Variants in ANK3 observed in about 807,000 individuals in gnomAD.
ANK3 encodes the protein ankyrin-3.
In ANK3, 57 loss-of-function variants were observed where a neutral mutation model predicts 370.9. That is an observed-to-expected ratio of 0.15 (90% CI 0.12 to 0.19). ANK3 has a LOEUF of 0.19. ANK3 is among the 10% of genes least tolerant of loss of function. The pLI, the probability that ANK3 is intolerant of heterozygous loss-of-function variation, is 1.00. For missense variants in ANK3, 4,439 were observed against 5,302.1 expected (o/e 0.84, Z 5.06); for synonymous variants, 1,929 against 1,946.3 (o/e 0.99, Z 0.23).
chr10:60,344,719 T>C (rs1290689701), intron 1 of ANK3, among the ~76,000 whole-genome samples: 1 of 152,216 alleles, frequency 6.6e-6, no homozygotes, highest in Admixed American at 6.5e-5. Context: ...CATTAGAATA[T>C]ACAACATTGA....
chr10:60,407,653 A>T (rs766358894), intron 2 of ANK3, among the ~76,000 whole-genome samples: 1 of 152,164 alleles, frequency 6.6e-6, no homozygotes, highest in Non-Finnish European at 1.5e-5. Context: ...TATATAAACC[A>T]TCTTATGACT....
chr10:60,280,421 T>C (rs1199057732), intron 1 of ANK3, among the ~76,000 whole-genome samples: 1 of 152,166 alleles, frequency 6.6e-6, no homozygotes, highest in Non-Finnish European at 1.5e-5. Context: ...TGGATTTTCC[T>C]ACAGTACATA....
intron 2 of ANK3, among the ~76,000 whole-genome samples, chr10:60,600,040 C>G (rs2133303886): frequency 6.6e-6 from 1 of 152,264 alleles, no homozygotes; most frequent in Non-Finnish European, 1.5e-5. Context: ...TATTAGACAG[C>G]TTTAAATAAC....
At position 60,076,003 on chromosome 10, in the gene ANK3, T is replaced by C. The variant is rs1326368506; in HGVS notation, c.4878A>G (p.Pro1626=). 6.2e-7 allele frequency: 1 copy of C among 1,614,188 alleles called. No individual in the cohort carries two copies. The highest frequency in any genetic ancestry group is 8.5e-7 in the Non-Finnish European group (1 of 1,180,014). Residue 1626 remains proline (P), a synonymous_variant, in exon 37 of 44, where the codon CCA becomes CCG. Coordinates refer to ENST00000280772, the MANE Select transcript of ANK3 (RefSeq NM_020987.5). ...SNSTFSSRTS[P]VTTAGSLLER... ...CCAAAAGAGACCCTGCTGTAGTCACTGGAGAGGTTCGAGAGGAAAACGTAG... is the reference window on the plus strand; with the variant it reads ...CCAAAAGAGACCCTGCTGTAGTCACCGGAGAGGTTCGAGAGGAAAACGTAG...
intron 16 of ANK3, among the ~76,000 whole-genome samples, chr10:60,191,690 T>C (rs1365728426): frequency 1.3e-5 from 2 of 152,150 alleles, no homozygotes; most frequent in African/African-American, 4.8e-5. Context: ...GAACTAAAAA[T>C]AGAACTACCT....
intron 17 of ANK3, among the ~76,000 whole-genome samples, chr10:60,183,135 T>G (rs954191645): frequency 2.0e-5 from 3 of 152,218 alleles, no homozygotes; most frequent in African/African-American, 7.2e-5. Context: ...TGGAGTCACT[T>G]CAGGCTTCCC....
At chr10:60,158,149 C>A (rs1481555019) in intron 23 of ANK3, among the ~76,000 whole-genome samples, 4 of 152,022 alleles carry the variant, frequency 2.6e-5, no homozygotes, top group Non-Finnish European at 5.9e-5. Flanking sequence ...AGAAAAGAAG[C>A]AAAGATACTT....
At chr10:60,685,157 G>T in intron 1 of ANK3, 2 of 607,172 alleles carry the variant, frequency 3.3e-6, no homozygotes, top group East Asian at 4.7e-5. Flanking sequence ...TCTACAGCCT[G>T]GTTTGCCTGT....
chr10:60,149,739 C>T (rs1015491828), intron 23 of ANK3, among the ~76,000 whole-genome samples: 7 of 152,256 alleles, frequency 4.6e-5, no homozygotes, highest in East Asian at 1.9e-4. Context: ...GACGAAGTCT[C>T]GCTCTGTCGC....
intron 5 of ANK3, among the ~76,000 whole-genome samples, chr10:60,268,678 T>G (rs2097916736): frequency 6.6e-6 from 1 of 151,924 alleles, no homozygotes; most frequent in East Asian, 1.9e-4. Flanking sequence ...TTTTTAGAAG[T>G]GCAGCTGCTA....
rs72807960 is a variant in ANK3 at position 60,521,137 on chromosome 10, T to A, written c.96+94049A>T. On this transcript the variant is annotated intron_variant, in intron 2 of 43. Coordinates refer to the ANK3 transcript ENST00000373827. Reference sequence around the variant, plus strand: ...TAGGTTATTAATTATGGACCTTATTTTATTTACTGTGTATCAGCTTTAAAG... The same window carrying A: ...TAGGTTATTAATTATGGACCTTATTATATTTACTGTGTATCAGCTTTAAAG... 5.2e-3 allele frequency among the ~76,000 whole-genome samples: 794 copies of A among 152,184 alleles called. 4 individuals carry two copies. Among genetic ancestry groups the A allele is most frequent in the Non-Finnish European group, 6.8e-3 (459 of 67,974 alleles).
At chr10:60,282,896 A>G (rs558480861) in intron 1 of ANK3, among the ~76,000 whole-genome samples, 6 of 152,340 alleles carry the variant, frequency 3.9e-5, no homozygotes, top group South Asian at 4.1e-4. Flanking sequence ...AAGAAAACTT[A>G]CATCTTAGGA....
At chr10:60,593,262 C>A (rs976316877) in intron 2 of ANK3, among the ~76,000 whole-genome samples, 1 of 152,186 alleles carries the variant, frequency 6.6e-6, no homozygotes, top group South Asian at 2.1e-4. Context: ...GAACTGATGA[C>A]CATTTTCCCC....
intron 1 of ANK3, among the ~76,000 whole-genome samples, chr10:60,717,390 G>T (rs1436730726): frequency 6.6e-6 from 1 of 152,206 alleles, no homozygotes; most frequent in Non-Finnish European, 1.5e-5. Flanking sequence ...CAATGGCAGA[G>T]TCTAGTGTAG....
intron 1 of ANK3, among the ~76,000 whole-genome samples, chr10:60,660,934 A>ACACACACACACACACACACCCC (rs373156861): frequency 1.3e-5 from 2 of 151,736 alleles, no homozygotes; most frequent in African/African-American, 4.8e-5. Context: ...ACACACACAC[A>ACACACACACACACACACACCCC]CCCCACATCT....
chr10:60,412,092 T>C (rs974156291), intron 2 of ANK3, among the ~76,000 whole-genome samples: 2 of 152,112 alleles, frequency 1.3e-5, no homozygotes, highest in African/African-American at 4.8e-5. Context: ...TGGCTGCTGG[T>C]TAGGAAGCAA....
At chr10:60,677,518 T>G (rs2079140816) in intron 1 of ANK3, among the ~76,000 whole-genome samples, 1 of 152,036 alleles carries the variant, frequency 6.6e-6, no homozygotes, top group African/African-American at 2.4e-5. Flanking sequence ...TTTAAGTATG[T>G]CATTTAGTTT....
At chr10:60,679,720 C>T (rs540412897) in intron 1 of ANK3, among the ~76,000 whole-genome samples, 6 of 152,322 alleles carry the variant, frequency 3.9e-5, no homozygotes, top group Admixed American at 2.0e-4. Flanking sequence ...AAAAACTCCA[C>T]GTCAAGGGTT....
At chr10:60,285,735 T>C (rs1158757354) in intron 1 of ANK3, among the ~76,000 whole-genome samples, 1 of 152,172 alleles carries the variant, frequency 6.6e-6, no homozygotes, top group Non-Finnish European at 1.5e-5. Flanking sequence ...GACATTTCCA[T>C]GTCCCACAAT....
Sources: gnomAD v4.1 joint callset for allele counts (sites outside exome capture counted in the v4.1 genomes callset) on GRCh38, gnomAD v4.1.1 for gene constraint, MANE v1.5 for transcripts, NCBI Gene and HGNC (gene_info 2026-07-23, HGNC 2026-07-21) for gene names.